Variants in PCNT observed in about 807,000 individuals in gnomAD.
PCNT encodes the protein kendrin.
Under a neutral mutation model 380.4 loss-of-function variants are expected in PCNT, and 319 were observed. That is an observed-to-expected ratio of 0.84 (90% confidence interval 0.77 to 0.92). The LOEUF is 0.92. Ranked by LOEUF, PCNT falls within the 40% of genes least tolerant of loss-of-function variation. The pLI is 0.00. For synonymous variants in PCNT, 1,845 were observed against 1,735.2 expected, an observed-to-expected ratio of 1.06 and a Z score of -1.57; for missense variants, 4,400 against 4,255.3, an observed-to-expected ratio of 1.03 and a Z score of -0.95.
At position 46,389,446 on chromosome 21, in the gene PCNT, C is replaced by T. The variant is rs1349968481; in HGVS notation, c.3840+15C>T. 8 of 1,603,462 alleles carry T rather than the reference C, an allele frequency of 5.0e-6. No individual in the cohort carries two copies. In the African/African-American group the frequency reaches 8.0e-5, roughly 16 times the overall value. ...CCAGCAGGCAGGTGAGGCCCAGGCT[C>T]CCGGGGTCCTGTGGAGATGTGAACA... On this transcript the variant is annotated intron_variant, in intron 19 of 46. Coordinates refer to ENST00000359568, the MANE Select transcript of PCNT (RefSeq NM_006031.6).
intron 15 of PCNT, among the ~76,000 whole-genome samples, chr21:46,374,194 G>T (rs2085256247): frequency 6.6e-6 from 1 of 152,106 alleles, no homozygotes; most frequent in Non-Finnish European, 1.5e-5. Context: ...GGTCCCGCTG[G>T]TTAGTGGGGT....
At position 46,422,120 on chromosome 21, in the gene PCNT, T is replaced by C; in HGVS notation, c.7175T>C (p.Val2392Ala). ...MKEKEVRPKH[V>A]KALLQMVRDE... Reference sequence around the variant, plus strand: ...GAGAAGGAAGTGCGTCCGAAGCACGTGAAGGTATGGCTGGCAGGGGCGGCC... The same window carrying C: ...GAGAAGGAAGTGCGTCCGAAGCACGCGAAGGTATGGCTGGCAGGGGCGGCC... Residue 2392 changes from valine to alanine, a missense_variant, in exon 32 of 47, where the codon GTG becomes GCG. Coordinates refer to ENST00000359568, the MANE Select transcript of PCNT (RefSeq NM_006031.6). The C allele has an allele frequency of 6.2e-7, 1 of 1,613,594 alleles. No individual in the cohort carries two copies. The highest frequency in any genetic ancestry group is 8.5e-7 in the Non-Finnish European group (1 of 1,179,994).
chr21:46,390,859 C>G (rs769366265), intron 20 of PCNT, 27 bp downstream of exon 20: 59 of 1,600,310 alleles, frequency 3.7e-5, no homozygotes, highest in Non-Finnish European at 4.7e-5. Context: ...CTCGGGGCAC[C>G]TGGAGCACAG....
Position 46,437,039 on chromosome 21 carries a change from G to A in PCNT, c.9057G>A (p.Leu3019=). 1.2e-6 allele frequency: 2 copies of A among 1,614,178 alleles called. No individual in the cohort carries two copies. Among genetic ancestry groups the A allele is most frequent in the Non-Finnish European group, 1.7e-6 (2 of 1,180,010 alleles). ...EKAVMSLLHT[L]EELKSDLSRP... Reference sequence around the variant, plus strand: ...CAGTGATGTCTTTACTGCACACGTTGGAGGAGCTGAAGTCTGACTTGAGCA... The same window carrying A: ...CAGTGATGTCTTTACTGCACACGTTAGAGGAGCTGAAGTCTGACTTGAGCA... The change falls in exon 40 of 47, where the codon TTG becomes TTA. Residue 3019 remains leucine, a synonymous_variant. Transcript: ENST00000359568.
chr21:46,332,344 A>G (rs992608555), intron 2 of PCNT, among the ~76,000 whole-genome samples: 2 of 152,230 alleles, frequency 1.3e-5, no homozygotes, highest in East Asian at 1.9e-4. Flanking sequence ...TTTATCATCT[A>G]GATTTCTGGG....
Position 46,346,732 on chromosome 21 carries a change from C to T in PCNT, c.721-11C>T, listed in dbSNP as rs376426883. ...CATGGGCCCTTATCAGAGGCCTTTTCTCCGCCGCAGGCCGTGCATGGCCTT... is the reference window on the plus strand; with the variant it reads ...CATGGGCCCTTATCAGAGGCCTTTTTTCCGCCGCAGGCCGTGCATGGCCTT... On this transcript the variant is annotated splice_polypyrimidine_tract_variant and intron_variant, in intron 4 of 46. Transcript: ENST00000359568. The T allele has an allele frequency of 1.6e-4, 253 of 1,592,896 alleles. No individual in the cohort carries two copies. The highest frequency in any genetic ancestry group is 2.1e-4 in the Non-Finnish European group (244 of 1,171,198).
intron 15 of PCNT, among the ~76,000 whole-genome samples, chr21:46,381,374 G>A (rs2085534247): frequency 6.6e-6 from 1 of 152,094 alleles, no homozygotes; most frequent in African/African-American, 2.4e-5. Flanking sequence ...CCTTGATGGT[G>A]AACTTCTTAG....
chr21:46,353,490 C>T (rs2084350569), intron 10 of PCNT, among the ~76,000 whole-genome samples, 164 bp downstream of exon 10: 1 of 152,142 alleles, frequency 6.6e-6, no homozygotes, highest in Admixed American at 6.5e-5. Flanking sequence ...GCACGGGCAC[C>T]CGAGAGTGGC....
intron 10 of PCNT, 101 bp from the exon 11 acceptor site, chr21:46,353,886 G>T: frequency 9.9e-7 from 1 of 1,013,640 alleles, no homozygotes. Context: ...GGAAGCACGA[G>T]GAGGCGCCTC....
chr21:46,396,835 T>C (rs537793336), intron 21 of PCNT, among the ~76,000 whole-genome samples: 1 of 152,284 alleles, frequency 6.6e-6, no homozygotes, highest in East Asian at 1.9e-4. Context: ...ACTCCTGACG[T>C]CGAGTGATCC....
rs1353355005 is a variant in PCNT, at chr21:46,416,858, C to T, written c.6921+19C>T. On this transcript the variant is annotated intron_variant, in intron 30 of 46. Coordinates refer to ENST00000359568, the MANE Select transcript of PCNT (RefSeq NM_006031.6). ...GGCTGTGGTAGGTGCCTGCTCTGCT[C>T]CCAGGCCTGCTGTTCCCGTGGGAAT... The T allele has an allele frequency of 3.8e-6, 6 of 1,596,330 alleles. No homozygotes were observed. Among genetic ancestry groups the T allele is most frequent in the Non-Finnish European group, 5.1e-6 (6 of 1,179,324 alleles).
Position 46,436,963 on chromosome 21 carries a change from C to A in PCNT, c.8997-16C>A. The A allele has an allele frequency of 1.3e-6, 2 of 1,584,274 alleles. No homozygotes were observed. Among genetic ancestry groups the A allele is most frequent in the East Asian group, 4.5e-5 (2 of 44,722 alleles). ...GGGGCGCGTATGCAACTTTGAGTGC[C>A]CATTTATTTTTACAGGACAGTTAAT... On this transcript the variant is annotated splice_polypyrimidine_tract_variant and intron_variant, in intron 39 of 46. Coordinates refer to ENST00000359568, the MANE Select transcript of PCNT (RefSeq NM_006031.6).
At chr21:46,427,992 G>A (rs2087581820) in intron 34 of PCNT, among the ~76,000 whole-genome samples, 197 bp downstream of exon 34, 1 of 152,214 alleles carries the variant, frequency 6.6e-6, no homozygotes, top group Non-Finnish European at 1.5e-5. Context: ...AGCTGTAACA[G>A]GACAGGTGTG....
intron 2 of PCNT, among the ~76,000 whole-genome samples, chr21:46,326,837 A>C (rs575306603): frequency 6.6e-6 from 1 of 151,984 alleles, no homozygotes; most frequent in South Asian, 2.1e-4. Flanking sequence ...AACATGGAGA[A>C]ACCCTGTCTA....
Position 46,388,115 on chromosome 21 carries a change from C to T in PCNT, c.3465-627C>T, listed in dbSNP as rs1173504202. 6.6e-6 allele frequency among the ~76,000 whole-genome samples: 1 copy of T among 151,806 alleles called. No individual in the cohort carries two copies. Among genetic ancestry groups the T allele is most frequent in the Non-Finnish European group, 1.5e-5 (1 of 67,970 alleles). On this transcript the variant is annotated intron_variant, in intron 17 of 46. Coordinates refer to ENST00000359568, the MANE Select transcript of PCNT (RefSeq NM_006031.6). This position sits in a 1 kb window ranked among gnomAD's most constrained non-coding sequence, Gnocchi z 4.2. ...GTCCCAGCTACTCGGGAGGCTGAGG[C>T]AGGAGAAAGGCGTGAACCCGGGAGG...
intron 27 of PCNT, among the ~76,000 whole-genome samples, chr21:46,408,156 C>G (rs759635386): frequency 6.6e-6 from 1 of 152,150 alleles, no homozygotes; most frequent in Non-Finnish European, 1.5e-5. Flanking sequence ...ACCCATCAGG[C>G]CTGCTGTCTT....
intron 34 of PCNT, 24 bp downstream of exon 34, chr21:46,427,819 G>A (rs778061384): frequency 6.2e-7 from 1 of 1,611,800 alleles, no homozygotes; most frequent in Non-Finnish European, 8.5e-7. Context: ...CTGCCACCAG[G>A]CCTCAGTTTG....
intron 27 of PCNT, among the ~76,000 whole-genome samples, chr21:46,409,036 A>G (rs2147630936): frequency 6.6e-6 from 1 of 151,678 alleles, no homozygotes; most frequent in South Asian, 2.1e-4. Context: ...AGAAAGTTTT[A>G]AAAAGTTGGA....
At chr21:46,397,638 G>T (rs1241543427) in intron 22 of PCNT, 144 bp downstream of exon 22, 9 of 728,456 alleles carry the variant, frequency 1.2e-5, no homozygotes, top group Non-Finnish European at 1.4e-5. Flanking sequence ...CACCCAGGTC[G>T]CTGACTCTTG....
Sources: gnomAD v4.1 joint callset for allele counts (sites outside exome capture counted in the v4.1 genomes callset) on GRCh38, gnomAD v4.1.1 for gene constraint, Gnocchi (gnomAD v3.1) non-coding constraint, MANE v1.5 for transcripts, NCBI Gene and HGNC (gene_info 2026-07-23, HGNC 2026-07-21) for gene names.